The following LMBR1 variants were observed in gnomAD, a reference collection of about 807,000 sequenced individuals.
LMBR1 encodes the protein limb region 1 protein homolog.
Under a neutral mutation model 73.9 loss-of-function variants are expected in LMBR1, and 52 were observed. That is an observed-to-expected ratio of 0.70 (90% CI 0.56 to 0.89). The LOEUF (loss-of-function observed/expected upper bound fraction) is 0.89, where lower values mean the gene tolerates loss of function less well. LMBR1 is among the 40% of genes least tolerant of loss of function. The pLI, the probability that LMBR1 is intolerant of heterozygous loss-of-function variation, is 0.00. For synonymous variants in LMBR1, 215 were observed against 209.4 expected (o/e 1.03, Z -0.23); for missense variants, 539 against 579.8 (o/e 0.93, Z 0.72).
intron 9 of LMBR1, among the ~76,000 whole-genome samples, chr7:156,755,700 G>T (rs1821734028): frequency 6.6e-6 from 1 of 152,290 alleles, no homozygotes; most frequent in Non-Finnish European, 1.5e-5. Flanking sequence ...TGTAGTTCCA[G>T]TCTAAAAGTT....
intron 1 of LMBR1, among the ~76,000 whole-genome samples, chr7:156,850,061 A>T (rs1360473873): frequency 6.6e-6 from 1 of 152,216 alleles, no homozygotes; most frequent in Non-Finnish European, 1.5e-5. Flanking sequence ...TGTTTCCCAA[A>T]GTTCATGTAT....
At chr7:156,810,820 G>GT (rs1441785690) in intron 4 of LMBR1, among the ~76,000 whole-genome samples, 2 of 150,810 alleles carry the variant, frequency 1.3e-5, no homozygotes, top group Admixed American at 1.3e-4. Context: ...TTTGTTTTTT[G>GT]TTTTTTTACA....
At position 156,893,013 on chromosome 7, in the gene LMBR1, C is replaced by A; in HGVS notation, c.-20G>T. On this transcript the variant is annotated 5_prime_UTR_variant, in exon 1 of 17. Transcript: ENST00000353442. Reference sequence around the variant, plus strand: ...TTCCATCCTCCTTCATGCCCGCCGCCGCGCCGCCCGCGTCCGCGTGCTCCG... The same window carrying A: ...TTCCATCCTCCTTCATGCCCGCCGCAGCGCCGCCCGCGTCCGCGTGCTCCG... The A allele has an allele frequency of 6.7e-7, 1 of 1,497,410 alleles. No individual in the cohort carries two copies. 92.8% of individuals were successfully genotyped at this position (1,497,410 alleles called of 1,614,324 possible). A position where few individuals can be genotyped will look rare whatever the true frequency, so the allele number is the denominator to read the frequency against.
chr7:156,810,768 T>A (rs924587907), intron 4 of LMBR1, among the ~76,000 whole-genome samples: 9 of 152,066 alleles, frequency 5.9e-5, no homozygotes, highest in Middle Eastern at 3.4e-3. Context: ...TTTTCAGCCA[T>A]TTTTCCCTCT....
intron 1 of LMBR1, among the ~76,000 whole-genome samples, chr7:156,850,670 A>G (rs1360764385): frequency 6.6e-6 from 1 of 152,244 alleles, no homozygotes; most frequent in Admixed American, 6.5e-5. Flanking sequence ...TTAAAAACAC[A>G]TTGGGTATAT....
At chr7:156,875,086 C>T (rs1231926220) in intron 1 of LMBR1, among the ~76,000 whole-genome samples, 3 of 152,026 alleles carry the variant, frequency 2.0e-5, no homozygotes, top group Non-Finnish European at 4.4e-5. Flanking sequence ...TTCAGTGAAA[C>T]AGACAGCATA....
intron 4 of LMBR1, among the ~76,000 whole-genome samples, chr7:156,799,220 T>C: frequency 6.6e-6 from 1 of 150,510 alleles, no homozygotes; most frequent in African/African-American, 2.4e-5. Context: ...AAAAAAGAAG[T>C]TATCTACTAC....
chr7:156,691,567 T>A (rs138122533), intron 15 of LMBR1, among the ~76,000 whole-genome samples: 1 of 152,196 alleles, frequency 6.6e-6, no homozygotes, highest in Non-Finnish European at 1.5e-5. Context: ...CTTATTCATC[T>A]TCCTAAAGCA....
intron 15 of LMBR1, among the ~76,000 whole-genome samples, chr7:156,698,292 G>T (rs889900552): frequency 6.6e-6 from 1 of 152,192 alleles, no homozygotes; most frequent in Non-Finnish European, 1.5e-5. Flanking sequence ...GGCACACAGT[G>T]CAAGCTGTCA....
chr7:156,867,409 C>G (rs578066979), intron 1 of LMBR1, among the ~76,000 whole-genome samples: 3 of 152,324 alleles, frequency 2.0e-5, no homozygotes, highest in Admixed American at 2.0e-4. Context: ...ATGTCCACCC[C>G]TAGGTATATG....
At chr7:156,744,942 A>G (rs1249136703) in intron 9 of LMBR1, among the ~76,000 whole-genome samples, 2 of 152,054 alleles carry the variant, frequency 1.3e-5, no homozygotes, top group East Asian at 3.9e-4. Context: ...TTCCATTACC[A>G]ATGTCTCCTT....
rs1357019505 is a variant in LMBR1 at position 156,756,401 on chromosome 7, C to T, written c.749G>A (p.Arg250Gln). The T allele has an allele frequency of 5.5e-6, 8 of 1,451,984 alleles. No homozygotes were observed. Among genetic ancestry groups the T allele is most frequent in the South Asian group, 1.2e-5 (1 of 84,492 alleles). 89.9% of individuals were successfully genotyped at this position (1,451,984 alleles called of 1,614,324 possible). Residue 250 changes from arginine to glutamine, a missense_variant, in exon 9 of 17, where the codon CGA (arginine) becomes CAA (glutamine). By Grantham distance (43) the Arg-to-Gln change is conservative. Transcript: ENST00000353442. Reference sequence around the variant, plus strand: ...ATGTAATATAAACATACCATTTAGTCGTCTCTGGAGTGCTTCTTCCTCTAA... The same window carrying T: ...ATGTAATATAAACATACCATTTAGTTGTCTCTGGAGTGCTTCTTCCTCTAA... ...ITLEEEALQR[R>Q]LNGLSSSVEY...
At chr7:156,705,766 A>C (rs1478589255) in intron 15 of LMBR1, among the ~76,000 whole-genome samples, 1 of 152,200 alleles carries the variant, frequency 6.6e-6, no homozygotes, top group Non-Finnish European at 1.5e-5. Context: ...GAAAGTATAA[A>C]ACTCACAAGT....
chr7:156,775,748 C>T (rs1339204978), intron 5 of LMBR1, among the ~76,000 whole-genome samples: 2 of 151,940 alleles, frequency 1.3e-5, no homozygotes, highest in Non-Finnish European at 1.5e-5. Context: ...AGTAAGAGTA[C>T]CAACTAATGT....
chr7:156,747,244 G>T (rs1016072167), intron 9 of LMBR1, among the ~76,000 whole-genome samples: 1 of 152,066 alleles, frequency 6.6e-6, no homozygotes, highest in Non-Finnish European at 1.5e-5. Flanking sequence ...CAATAACTTT[G>T]ATCAAGTAAG....
At position 156,734,167 on chromosome 7, in the gene LMBR1, AG is replaced by A; in HGVS notation, c.838+9del. ...CCAATACACAAGTCAAGAAAAAAAA[AG>A]TACAATACCTAATTTTGTCTTAAGA... On this transcript the variant is annotated intron_variant, in intron 10 of 16. Transcript: ENST00000353442. 5 of 1,565,124 alleles carry A rather than the reference AG, an allele frequency of 3.2e-6. No homozygotes were observed. Among genetic ancestry groups the A allele is most frequent in the Non-Finnish European group, 4.3e-6 (5 of 1,150,732 alleles).
At chr7:156,886,478 G>C (rs1031435211) in intron 1 of LMBR1, among the ~76,000 whole-genome samples, 10 of 152,220 alleles carry the variant, frequency 6.6e-5, no homozygotes, top group African/African-American at 2.2e-4. Context: ...AGATGGCGAA[G>C]CAGGGACATG....
intron 4 of LMBR1, among the ~76,000 whole-genome samples, chr7:156,797,892 G>A (rs1272859859): frequency 6.6e-6 from 1 of 151,946 alleles, no homozygotes; most frequent in South Asian, 2.1e-4. Flanking sequence ...ACATCTTTTA[G>A]TGGAAAAACT....
At chr7:156,880,717 A>G (rs1435635908) in intron 1 of LMBR1, among the ~76,000 whole-genome samples, 1 of 152,012 alleles carries the variant, frequency 6.6e-6, no homozygotes, top group Non-Finnish European at 1.5e-5. Flanking sequence ...CAGTGACACA[A>G]TCTCAGCTCA....
Sources: allele counts gnomAD v4.1 joint callset (sites outside exome capture counted in the v4.1 genomes callset), GRCh38; gene constraint gnomAD v4.1.1; transcripts MANE v1.5; gene names NCBI Gene and HGNC (gene_info 2026-07-23, HGNC 2026-07-21).